The following MAGEB16 variants were observed in gnomAD, a reference collection of about 807,000 sequenced individuals.
The protein encoded by MAGEB16 is melanoma-associated antigen B16.
For missense variants in MAGEB16, 217 were observed against 234.0 expected, an observed-to-expected ratio of 0.93 and a Z score of 0.47; for synonymous variants, 95 against 92.1, an observed-to-expected ratio of 1.03 and a Z score of -0.18.
At chrX:35,798,408 C>G (rs1298004725) in exon 1 of MAGEB16, 6 of 110,673 alleles carry the variant, frequency 5.4e-5, no homozygotes, top group African/African-American at 2.0e-4. Flanking sequence ...CAGGCACTGT[C>G]AGGTGTCGAG....
intron 1 of MAGEB16, chrX:35,798,866 G>C (rs1934837096): frequency 9.0e-6 from 1 of 110,645 alleles, no homozygotes; most frequent in African/African-American, 3.3e-5. Flanking sequence ...AGGACCCTGA[G>C]TTTCTTTTGT....
At chrX:35,802,898 A>G in exon 2 of MAGEB16, 1 of 1,211,946 alleles carries the variant, frequency 8.3e-7, no homozygotes, top group Non-Finnish European at 1.1e-6. Flanking sequence ...TGACGGGAGT[A>G]TATTCTGGGA....
rs1031403308 is a variant in MAGEB16, at chrX:35,798,437, G to A, written c.-67+19G>A. 1.8e-5 allele frequency: 2 copies of A among 111,284 alleles called. No individual in the cohort carries two copies. Among genetic ancestry groups the A allele is most frequent in the African/African-American group, 6.5e-5 (2 of 30,602 alleles). The allele number at this position is 111,284 out of a possible 1,213,427, so 9.2% of individuals were successfully genotyped here. On this transcript the variant is annotated intron_variant, in intron 1 of 1. Transcript: ENST00000399988. ...TGTCGAGGTAAAACTCTGAGACTGA[G>A]GGAAATAGAGCGCCCTGCAGATAAG...
intron 1 of MAGEB16, among the ~76,000 whole-genome samples, chrX:35,799,700 C>A (rs1242110328): frequency 5.4e-5 from 6 of 111,690 alleles, no homozygotes; most frequent in Admixed American, 9.5e-5. Context: ...CATCCACACA[C>A]TCCTCTATGG....
exon 2 of MAGEB16, chrX:35,803,480 A>G (rs1187861878): frequency 9.4e-6 from 2 of 213,029 alleles, no homozygotes; most frequent in Non-Finnish European, 1.8e-5. Context: ...AATATTGGTC[A>G]TCCATTTAAT....
At chrX:35,802,794 G>T in exon 2 of MAGEB16, 1 of 1,211,607 alleles carries the variant, frequency 8.3e-7, no homozygotes, top group Non-Finnish European at 1.1e-6. Context: ...TGAAAAGGGT[G>T]TGCCCAAGAC....
intron 1 of MAGEB16, chrX:35,800,630 G>A (rs1934854241): frequency 7.7e-6 from 4 of 520,321 alleles, no homozygotes; most frequent in Non-Finnish European, 1.1e-5. Flanking sequence ...ACAGAACGTA[G>A]CCCTGCTTAG....
intron 1 of MAGEB16, chrX:35,800,465 T>A (rs1934852816): frequency 1.9e-6 from 1 of 521,868 alleles, no homozygotes; most frequent in Non-Finnish European, 3.5e-6. Flanking sequence ...AGATGTCTAA[T>A]CTCTTCCTTT....
exon 2 of MAGEB16, chrX:35,802,553 T>C (rs1423693632): frequency 1.2e-5 from 14 of 1,211,806 alleles, no homozygotes; most frequent in Non-Finnish European, 1.6e-5. Flanking sequence ...AAGTGGCTTT[T>C]TTGGTGAATT....
chrX:35,802,704 G>T, exon 2 of MAGEB16: 1 of 1,211,354 alleles, frequency 8.3e-7, no homozygotes, highest in Non-Finnish European at 1.1e-6. Flanking sequence ...TGGCCTTGAT[G>T]TGGTGGAGGT....
At position 35,800,714 on chromosome X, in the gene MAGEB16, A is replaced by G. The variant is rs1054432015; in HGVS notation, c.-66-1417A>G. On this transcript the variant is annotated intron_variant, in intron 1 of 1. Transcript: ENST00000399988. ...TATCTACTTATTTCCTGTTCAGTGA[A>G]CTCAGGATAACAAAGGTTTTGGTCT... 8.9e-6 allele frequency: 4 copies of G among 450,393 alleles called. No individual in the cohort carries two copies. In the African/African-American group the frequency reaches 1.0e-4, roughly 11 times the overall value. The allele number at this position is 450,393 out of a possible 1,213,427, so 37.1% of individuals were successfully genotyped here.
exon 2 of MAGEB16, chrX:35,803,104 A>G: frequency 8.3e-7 from 1 of 1,207,475 alleles, no homozygotes; most frequent in Non-Finnish European, 1.1e-6. Context: ...TCTTACCCAC[A>G]TTCTTTCCCA....
exon 2 of MAGEB16, chrX:35,802,214 G>A (rs1183830715): frequency 8.3e-7 from 1 of 1,211,485 alleles, no homozygotes; most frequent in Non-Finnish European, 1.1e-6. Context: ...AGGATCAGGA[G>A]AGTCCACGAT....
chrX:35,802,389 C>T, exon 2 of MAGEB16: 1 of 1,208,084 alleles, frequency 8.3e-7, no homozygotes, highest in East Asian at 3.0e-5. Context: ...TCTTGAGGTT[C>T]CTCAGAGTTT....
chrX:35,799,443 G>T (rs1415020028), intron 1 of MAGEB16, among the ~76,000 whole-genome samples: 2 of 111,457 alleles, frequency 1.8e-5, no homozygotes, highest in African/African-American at 6.5e-5. Flanking sequence ...AGGATCCAAG[G>T]AGCTTTTCCC....
exon 2 of MAGEB16, chrX:35,803,312 G>A (rs1934884011): frequency 3.3e-6 from 2 of 600,776 alleles, no homozygotes; most frequent in African/African-American, 2.3e-5. Flanking sequence ...TGCAGGTCCA[G>A]GGTGGGGCTG....
At position 35,798,343 on chromosome X, in the gene MAGEB16, G is replaced by A. The variant is rs1934830726; in HGVS notation, c.-142G>A. The A allele has an allele frequency of 9.2e-6, 1 of 109,061 alleles. No individual in the cohort carries two copies. The highest frequency in any genetic ancestry group is 9.9e-5 in the Admixed American group (1 of 10,066). 9.0% of individuals were successfully genotyped at this position (109,061 alleles called of 1,213,427 possible). ...ATTTCCTCTTCTGAGTCCGAGGACT[G>A]TGACGACCTTATCTGAGGAAGGTGC... On this transcript the variant is annotated 5_prime_UTR_variant, in exon 1 of 2. The change creates a new upstream start codon in the 5' untranslated region. Transcript: ENST00000399988.
chrX:35,800,606 C>T (rs1934853919), intron 1 of MAGEB16: 2 of 522,883 alleles, frequency 3.8e-6, no homozygotes, highest in Non-Finnish European at 7.0e-6. Flanking sequence ...AACCACCCAT[C>T]CCAGATAATG....
intron 1 of MAGEB16, among the ~76,000 whole-genome samples, 183 bp from the exon 2 acceptor site, chrX:35,801,948 C>T (rs1172303930): frequency 2.7e-5 from 3 of 112,295 alleles, no homozygotes; most frequent in South Asian, 7.5e-4. Flanking sequence ...GGTTGGCTGG[C>T]TGCACCCTGA....
Sources: allele counts gnomAD v4.1 joint callset (sites outside exome capture counted in the v4.1 genomes callset), GRCh38; gene constraint gnomAD v4.1.1; transcripts MANE v1.5; gene names NCBI Gene and HGNC (gene_info 2026-07-23, HGNC 2026-07-21).